Variants in KREMEN1 observed in about 807,000 individuals in gnomAD.
KREMEN1 encodes the protein kremen protein 1.
In KREMEN1, 30 loss-of-function variants were observed where a neutral mutation model predicts 46.5. That is an observed-to-expected ratio of 0.65 (90% CI 0.48 to 0.88). The LOEUF is 0.88. Among genes scored for constraint, KREMEN1 ranks in the 40% least tolerant of loss-of-function variants. The pLI is 0.00. For missense variants in KREMEN1, 533 were observed against 596.9 expected (o/e 0.89, Z 1.11); for synonymous variants, 214 against 230.6 (o/e 0.93, Z 0.65).
rs1197852733 is a variant in KREMEN1 at position 29,125,384 on chromosome 22, G to A, written c.599G>A (p.Cys200Tyr). Residue 200 changes from cysteine to tyrosine, a missense_variant, in exon 5 of 9, where the codon TGT becomes TAT. Cys to Tyr is a radical substitution (Grantham distance 194). Transcript: ENST00000400335. ...SVCFGDHTQP[C>Y]GGDGRIILFD... ...TGCTTCGGGGATCACACCCAACCCT[G>A]TGGTGGCGATGGCAGGATCATCCTC... The A allele has an allele frequency of 6.2e-7, 1 of 1,614,202 alleles. No individual in the cohort carries two copies. Among genetic ancestry groups the A allele is most frequent in the Admixed American group, 1.7e-5 (1 of 60,028 alleles).
At chr22:29,158,576 A>T (rs2038984002) in intron 9 of KREMEN1, among the ~76,000 whole-genome samples, 2 of 152,234 alleles carry the variant, frequency 1.3e-5, no homozygotes, top group Admixed American at 1.3e-4. Context: ...ATTTGGCCCT[A>T]GCTGTCACTG....
At chr22:29,159,136 T>G (rs1348109984) in intron 9 of KREMEN1, among the ~76,000 whole-genome samples, 3 of 150,180 alleles carry the variant, frequency 2.0e-5, no homozygotes, top group South Asian at 2.1e-4. Flanking sequence ...TTTTTTTTTT[T>G]TTTTTTTTTT....
chr22:29,138,959 G>C, intron 7 of KREMEN1, 177 bp downstream of exon 7: 1 of 903,742 alleles, frequency 1.1e-6, no homozygotes, highest in Non-Finnish European at 1.7e-6. Context: ...TTATTAGCTT[G>C]GTTCCTTAGT....
intron 3 of KREMEN1, among the ~76,000 whole-genome samples, chr22:29,120,849 G>A (rs1386783154): frequency 2.0e-5 from 3 of 152,090 alleles, no homozygotes; most frequent in African/African-American, 7.2e-5. Flanking sequence ...AAAGCCACTA[G>A]GTTTGTGGTA....
At chr22:29,118,585 C>A (rs2038280937) in intron 3 of KREMEN1, among the ~76,000 whole-genome samples, 1 of 152,018 alleles carries the variant, frequency 6.6e-6, no homozygotes, top group African/African-American at 2.4e-5. Context: ...CTTCTTGCTG[C>A]AGAGAGAGAG....
At position 29,142,019 on chromosome 22, in the gene KREMEN1, T is replaced by G. The variant is rs748585580; in HGVS notation, c.1284T>G (p.Ile428Met). 2.5e-6 allele frequency: 4 copies of G among 1,613,458 alleles called. No homozygotes were observed. The highest frequency in any genetic ancestry group is 3.4e-6 in the Non-Finnish European group (4 of 1,179,750). The change falls in exon 9 of 9, where the codon ATT (isoleucine) becomes ATG (methionine). Residue 428 changes from isoleucine (I) to methionine (M), a missense_variant. Ile to Met is a conservative substitution (Grantham distance 10). Transcript: ENST00000400335. ...GGACTTCGGGGGAAATCTGGAGCAT[T>G]TTTTACAAGCCTTCCACTTCAATTT... The part of the protein sequence containing the change: ...QPGTSGEIWS[I>M]FYKPSTSISI...
Position 29,073,636 on chromosome 22 carries a change from C to T in KREMEN1, c.97+409C>T, listed in dbSNP as rs1463698885. 6.6e-6 allele frequency among the ~76,000 whole-genome samples: 1 copy of T among 151,888 alleles called. No homozygotes were observed. The highest frequency in any genetic ancestry group is 2.4e-5 in the African/African-American group (1 of 41,358). ...GGGACGCCCCCTCTCCCCGGTACCT[C>T]CTGGGATCCCGTCCCAAGTCCCCAG... On this transcript the variant is annotated intron_variant, in intron 1 of 8. Transcript: ENST00000400335. The surrounding 1 kb of genome is among the most constrained non-coding windows in gnomAD (Gnocchi z 4.4).
chr22:29,155,429 G>A (rs749086127), intron 9 of KREMEN1, among the ~76,000 whole-genome samples: 10 of 152,130 alleles, frequency 6.6e-5, no homozygotes, highest in Non-Finnish European at 8.8e-5. Flanking sequence ...TAGCTACTCA[G>A]GAGGCTGAAG....
Position 29,141,970 on chromosome 22 carries a change from A to G in KREMEN1, c.1235A>G (p.Asp412Gly). Reference sequence around the variant, plus strand: ...TCCCATCGTGTTCCTGCTTCAGGGGACCTTAGGGATTGTCATCAACCAGGG... The same window carrying G: ...TCCCATCGTGTTCCTGCTTCAGGGGGCCTTAGGGATTGTCATCAACCAGGG... ...FKSHRVPASG[D>G]LRDCHQPGTS... The change falls in exon 9 of 9, where the codon GAC becomes GGC. Residue 412 changes from aspartate to glycine, a missense_variant. By Grantham distance (94) the Asp-to-Gly change is moderately conservative (BLOSUM62 -1). Transcript: ENST00000400335. 6.2e-7 allele frequency: 1 copy of G among 1,608,172 alleles called. No individual in the cohort carries two copies. Among genetic ancestry groups the G allele is most frequent in the Non-Finnish European group, 8.5e-7 (1 of 1,177,852 alleles).
intron 2 of KREMEN1, among the ~76,000 whole-genome samples, chr22:29,097,878 C>T (rs895971782): frequency 1.3e-5 from 2 of 151,844 alleles, no homozygotes; most frequent in Non-Finnish European, 2.9e-5. Context: ...ATAACTGCCT[C>T]TTTAAAAAAA....
intron 4 of KREMEN1, among the ~76,000 whole-genome samples, chr22:29,122,736 G>C (rs1484478924): frequency 6.6e-6 from 1 of 152,030 alleles, no homozygotes; most frequent in African/African-American, 2.4e-5. Flanking sequence ...TCAGGAGTTG[G>C]AGACCAGCCT....
chr22:29,143,138 G>A lies in KREMEN1; in HGVS notation c.*1026G>A. 1 of 946,346 alleles carries A rather than the reference G, an allele frequency of 1.1e-6. No individual in the cohort carries two copies. Among genetic ancestry groups the A allele is most frequent in the Non-Finnish European group, 1.3e-6 (1 of 794,642 alleles). 58.6% of individuals were successfully genotyped at this position (946,346 alleles called of 1,614,324 possible). On this transcript the variant is annotated 3_prime_UTR_variant, in exon 9 of 9. Transcript: ENST00000400335. ...GCACTCCAGCCTGGGTGACAAGAGT[G>A]AGACTCTGTCTCAAAAAAACAAAAC...
chr22:29,157,682 G>A (rs184698766), intron 9 of KREMEN1, among the ~76,000 whole-genome samples: 94 of 152,330 alleles, frequency 6.2e-4, no homozygotes, highest in African/African-American at 2.1e-3. Flanking sequence ...GTCCATGGCT[G>A]CACGGAGCTT....
At chr22:29,117,503 C>G (rs2038261552) in intron 3 of KREMEN1, among the ~76,000 whole-genome samples, 1 of 151,560 alleles carries the variant, frequency 6.6e-6, no homozygotes, top group Non-Finnish European at 1.5e-5. Flanking sequence ...GGAGGCGGAG[C>G]TTGCAGTGAG....
chr22:29,125,237 C>A, intron 4 of KREMEN1, 26 bp from the exon 5 acceptor site: 1 of 1,612,646 alleles, frequency 6.2e-7, no homozygotes, highest in Non-Finnish European at 8.5e-7. Flanking sequence ...TGATGCTTAC[C>A]GTGTGCTGCT....
chr22:29,098,605 G>A (rs2205771), intron 2 of KREMEN1, among the ~76,000 whole-genome samples: 27,730 of 152,118 alleles, frequency 0.18, 2,899 homozygotes, highest in East Asian at 0.48. Context: ...TCCTAGTTAT[G>A]CTATAGTGAA....
In KREMEN1 at chr22:29,144,259, G is replaced by A. The variant is rs987405361; in HGVS notation, c.*2147G>A. The A allele has an allele frequency of 5.1e-6, 5 of 985,508 alleles. No individual in the cohort carries two copies. The highest frequency in any genetic ancestry group is 6.0e-6 in the Non-Finnish European group (5 of 830,070). The allele number at this position is 985,508 out of a possible 1,614,324, so 61.0% of individuals were successfully genotyped here. A position where few individuals can be genotyped will look rare whatever the true frequency, so the allele number is the denominator to read the frequency against. On this transcript the variant is annotated 3_prime_UTR_variant, in exon 9 of 9. Coordinates refer to ENST00000400335, the MANE Select transcript of KREMEN1 (RefSeq NM_001039570.3). ...TTCTGGAAACACCTCTGCACCTGCC[G>A]CCCCTGGGAGGAAAGAGGGCCACAC...
intron 1 of KREMEN1, among the ~76,000 whole-genome samples, chr22:29,083,643 C>T (rs748940112): frequency 1.3e-5 from 2 of 152,080 alleles, no homozygotes; most frequent in Non-Finnish European, 2.9e-5. Flanking sequence ...ACCAGCCTGG[C>T]GAACATGGGG....
chr22:29,106,370 G>A (rs537343510), intron 3 of KREMEN1, among the ~76,000 whole-genome samples: 126 of 151,286 alleles, frequency 8.3e-4, no homozygotes, highest in Non-Finnish European at 1.7e-3. Flanking sequence ...CCAGGCGCCC[G>A]CCATCACGCC....
Sources: gnomAD v4.1 joint callset for allele counts (sites outside exome capture counted in the v4.1 genomes callset) on GRCh38, gnomAD v4.1.1 for gene constraint, Gnocchi (gnomAD v3.1) non-coding constraint, MANE v1.5 for transcripts, NCBI Gene and HGNC (gene_info 2026-07-23, HGNC 2026-07-21) for gene names.